ST6GALNAC3: variants seen among roughly 807,000 people sequenced by gnomAD.
The protein encoded by ST6GALNAC3 is ST6 N-acetylgalactosaminide alpha-2,6-sialyltransferase 3, also known as alpha-N-acetylgalactosaminide alpha-2,6-sialyltransferase 3.
In ST6GALNAC3, 25 loss-of-function variants were observed where a neutral mutation model predicts 32.7. The observed-to-expected ratio is 0.76, with a 90% CI of 0.56 to 1.07. The LOEUF (loss-of-function observed/expected upper bound fraction) is 1.07. ST6GALNAC3 is among the 50% of genes least tolerant of loss of function. The probability of loss-of-function intolerance (pLI) is 0.00; values close to 1 mark genes in which losing one functional copy is unlikely to be tolerated. For synonymous variants in ST6GALNAC3, 129 were observed against 133.1 expected, an observed-to-expected ratio of 0.97 and a Z score of 0.21; for missense variants, 355 against 382.4, an observed-to-expected ratio of 0.93 and a Z score of 0.60.
chr1:76,375,571 G>A (rs538562936), intron 2 of ST6GALNAC3, among the ~76,000 whole-genome samples: 1 of 152,278 alleles, frequency 6.6e-6, no homozygotes, highest in East Asian at 1.9e-4. Flanking sequence ...GGATGGAACA[G>A]CGTGAAGTGA....
rs186327839 is a variant in ST6GALNAC3 at position 76,129,129 on chromosome 1, G to A, written c.18+54245G>A. ...TCCTATAACATCACCCACCTGTACA[G>A]GGGAGTTGGGAGTTCCTGATGCTAC... On this transcript the variant is annotated intron_variant, in intron 1 of 4. Coordinates refer to ENST00000328299, the MANE Select transcript of ST6GALNAC3 (RefSeq NM_152996.4). 1.1e-3 allele frequency among the ~76,000 whole-genome samples: 161 copies of A among 152,276 alleles called. 1 individual carries two copies. The highest frequency in any genetic ancestry group is 1.8e-3 in the Non-Finnish European group (124 of 68,014).
chr1:76,564,644 G>A (rs948877410), intron 3 of ST6GALNAC3, among the ~76,000 whole-genome samples: 29 of 149,866 alleles, frequency 1.9e-4, no homozygotes, highest in African/African-American at 7.2e-4. Flanking sequence ...GGAGTGCAGT[G>A]GCTCTATCTC....
chr1:76,549,436 ATAT>A (rs1664493190), intron 3 of ST6GALNAC3, among the ~76,000 whole-genome samples: 1 of 151,392 alleles, frequency 6.6e-6, no homozygotes, highest in Non-Finnish European at 1.5e-5. Flanking sequence ...TGTTATATAA[ATAT>A]TATATTTTGT....
At position 76,256,475 on chromosome 1, in the gene ST6GALNAC3, G is replaced by A. The variant is rs1657924599; in HGVS notation, c.19-57330G>A. On this transcript the variant is annotated intron_variant, in intron 1 of 4. Coordinates refer to ENST00000328299, the MANE Select transcript of ST6GALNAC3 (RefSeq NM_152996.4). ...ACAAGTTGCTTCCAACAGGGTAGGT[G>A]TATTTTGAAGTGGCGTTGTAAGTGG... Among the ~76,000 whole-genome samples, 4 of 152,162 alleles carry A rather than the reference G, an allele frequency of 2.6e-5. No individual in the cohort carries two copies. The South Asian group carries it at 8.3e-4, about 31-fold the overall frequency.
chr1:76,274,884 C>G (rs1659047335), intron 1 of ST6GALNAC3, among the ~76,000 whole-genome samples: 1 of 152,180 alleles, frequency 6.6e-6, no homozygotes, highest in East Asian at 1.9e-4. Flanking sequence ...CGAACTTCAT[C>G]TTGTGAATTC....
At chr1:76,436,126 T>A (rs1656125923) in intron 3 of ST6GALNAC3, among the ~76,000 whole-genome samples, 2 of 152,146 alleles carry the variant, frequency 1.3e-5, no homozygotes, top group Admixed American at 1.3e-4. Flanking sequence ...TGAATAAAAT[T>A]TGTAATCCAA....
intron 3 of ST6GALNAC3, among the ~76,000 whole-genome samples, chr1:76,625,346 G>A (rs961786619): frequency 2.0e-5 from 3 of 151,816 alleles, no homozygotes; most frequent in Admixed American, 2.0e-4. Context: ...CATGAGACCT[G>A]ATTTTTTCCT....
intron 3 of ST6GALNAC3, among the ~76,000 whole-genome samples, chr1:76,601,543 A>C (rs1647236951): frequency 6.6e-6 from 1 of 152,218 alleles, no homozygotes; most frequent in Non-Finnish European, 1.5e-5. Context: ...AAAGAAAGAA[A>C]ATTTAAACCT....
chr1:76,492,750 A>G (rs1660578871), intron 3 of ST6GALNAC3, among the ~76,000 whole-genome samples: 1 of 152,184 alleles, frequency 6.6e-6, no homozygotes, highest in African/African-American at 2.4e-5. Context: ...AGAATGAATA[A>G]AGGAAGGAGA....
intron 1 of ST6GALNAC3, among the ~76,000 whole-genome samples, chr1:76,211,844 G>A (rs189457715): frequency 1.4e-4 from 21 of 152,230 alleles, no homozygotes; most frequent in Admixed American, 2.6e-4. Flanking sequence ...TAAATGATGA[G>A]TTAATGGGTG....
intron 1 of ST6GALNAC3, among the ~76,000 whole-genome samples, chr1:76,283,771 T>C (rs7534588): frequency 0.48 from 72,468 of 152,114 alleles, 17,546 homozygotes; most frequent in African/African-American, 0.55. Context: ...AGGCATCAAC[T>C]TTAGTGTTTT....
At chr1:76,119,437 G>A (rs530437885) in intron 1 of ST6GALNAC3, among the ~76,000 whole-genome samples, 8 of 152,180 alleles carry the variant, frequency 5.3e-5, no homozygotes, top group Admixed American at 1.3e-4. Flanking sequence ...ATTGAGGGTC[G>A]TATTTAAGAG....
At chr1:76,346,728 C>G (rs942409091) in intron 2 of ST6GALNAC3, among the ~76,000 whole-genome samples, 1 of 152,064 alleles carries the variant, frequency 6.6e-6, no homozygotes, top group African/African-American at 2.4e-5. Context: ...TTACATAATG[C>G]TCCTGAGCAC....
intron 3 of ST6GALNAC3, among the ~76,000 whole-genome samples, chr1:76,597,099 A>G (rs546258266): frequency 6.6e-6 from 1 of 152,164 alleles, no homozygotes; most frequent in African/African-American, 2.4e-5. Flanking sequence ...GCATCTTTCT[A>G]CTGAGTAGCT....
At chr1:76,494,456 TATATATATATATAC>T (rs1426573885) in intron 3 of ST6GALNAC3, among the ~76,000 whole-genome samples, 1 of 85,238 alleles carries the variant, frequency 1.2e-5, no homozygotes, top group African/African-American at 4.6e-5. Flanking sequence ...TATATATATA[TATATATATATATAC>T]ACACACACAC....
intron 1 of ST6GALNAC3, among the ~76,000 whole-genome samples, chr1:76,082,851 A>T (rs1415967039): frequency 6.6e-6 from 1 of 151,448 alleles, no homozygotes; most frequent in East Asian, 1.9e-4. Context: ...GAAAAAGAGG[A>T]TACTTGGGTC....
chr1:76,494,355 G>A (rs1435875415), intron 3 of ST6GALNAC3, among the ~76,000 whole-genome samples: 1 of 144,882 alleles, frequency 6.9e-6, no homozygotes, highest in African/African-American at 2.5e-5. Context: ...TAATCTATTT[G>A]TTCATTCACA....
At chr1:76,580,168 A>C (rs1216055686) in intron 3 of ST6GALNAC3, among the ~76,000 whole-genome samples, 2 of 152,042 alleles carry the variant, frequency 1.3e-5, no homozygotes, top group African/African-American at 4.8e-5. Flanking sequence ...GAACACATGG[A>C]TTTAAAATTT....
intron 1 of ST6GALNAC3, among the ~76,000 whole-genome samples, chr1:76,169,794 T>A (rs1416479753): frequency 6.6e-6 from 1 of 152,214 alleles, no homozygotes; most frequent in Admixed American, 6.5e-5. Flanking sequence ...AGTGTGTTTT[T>A]CAGCTCTGTC....
Sources: allele counts gnomAD v4.1 joint callset (sites outside exome capture counted in the v4.1 genomes callset), GRCh38; gene constraint gnomAD v4.1.1; transcripts MANE v1.5; gene names NCBI Gene and HGNC (gene_info 2026-07-23, HGNC 2026-07-21).